Variants in BMP5 observed in about 807,000 individuals in gnomAD.
The protein encoded by BMP5 is bone morphogenetic protein 5.
A neutral mutation model predicts 46.6 loss-of-function variants in BMP5; 23 were observed. The ratio of observed to expected loss-of-function variants is 0.49; its 90% CI spans 0.35 to 0.70. The LOEUF is 0.70. BMP5 is among the 30% of genes least tolerant of loss of function. BMP5 has a pLI of 0.00. For synonymous variants in BMP5, 204 were observed against 191.9 expected (o/e 1.06, Z -0.52); for missense variants, 545 against 565.6 (o/e 0.96, Z 0.37).
chr6:55,871,166 T>C (rs923378778), intron 1 of BMP5, among the ~76,000 whole-genome samples: 2 of 151,834 alleles, frequency 1.3e-5, no homozygotes, highest in African/African-American at 4.8e-5. Flanking sequence ...TAACTTGTAC[T>C]GGTATTTAAT....
At chr6:55,855,112 T>C (rs1465922665) in intron 1 of BMP5, among the ~76,000 whole-genome samples, 3 of 152,208 alleles carry the variant, frequency 2.0e-5, no homozygotes, top group African/African-American at 7.2e-5. Flanking sequence ...TGTTTACCTA[T>C]TTATGTTTCT....
chr6:55,857,850 T>C (rs1307209554), intron 1 of BMP5, among the ~76,000 whole-genome samples: 3 of 152,004 alleles, frequency 2.0e-5, no homozygotes, highest in Non-Finnish European at 4.4e-5. Context: ...GCGATTCTCC[T>C]GCCTCAGCCT....
intron 1 of BMP5, among the ~76,000 whole-genome samples, chr6:55,870,369 G>C (rs182351652): frequency 6.6e-6 from 1 of 152,044 alleles, no homozygotes; most frequent in Admixed American, 6.6e-5. Flanking sequence ...GAGAGAAAAA[G>C]GTCTCCTCAC....
chr6:55,807,890 T>C (rs886747947), intron 2 of BMP5, among the ~76,000 whole-genome samples: 9 of 152,232 alleles, frequency 5.9e-5, no homozygotes, highest in Admixed American at 1.3e-4. Context: ...ACTGACATGA[T>C]GCCAGTAGGA....
chr6:55,758,519 G>T (rs1774672683), intron 6 of BMP5, among the ~76,000 whole-genome samples: 1 of 151,872 alleles, frequency 6.6e-6, no homozygotes, highest in Non-Finnish European at 1.5e-5. Context: ...TACAGGAGGA[G>T]GAGGAGAACA....
chr6:55,757,255 A>G (rs1183284404), intron 6 of BMP5, among the ~76,000 whole-genome samples: 1 of 151,966 alleles, frequency 6.6e-6, no homozygotes, highest in East Asian at 1.9e-4. Context: ...TTTTTGATAC[A>G]TTAGATCCAT....
At chr6:55,759,461 G>A (rs1449302152) in intron 5 of BMP5, among the ~76,000 whole-genome samples, 1 of 151,722 alleles carries the variant, frequency 6.6e-6, no homozygotes, top group African/African-American at 2.4e-5. Context: ...TAAGAAAATA[G>A]CATTCTAAAT....
intron 5 of BMP5, 45 bp from the exon 6 acceptor site, chr6:55,759,160 A>C (rs1774694975): frequency 5.8e-5 from 46 of 786,662 alleles, no homozygotes; most frequent in East Asian, 1.6e-4. Flanking sequence ...AAAAAAAAAA[A>C]AAAAAAAAAA....
chr6:55,805,769 T>C (rs1365448945), intron 2 of BMP5, among the ~76,000 whole-genome samples: 2 of 152,168 alleles, frequency 1.3e-5, no homozygotes, highest in South Asian at 4.1e-4. Context: ...CTGACTGGTG[T>C]GAGAGATGGT....
chr6:55,798,285 G>A (rs1775765499), intron 2 of BMP5, among the ~76,000 whole-genome samples: 1 of 152,148 alleles, frequency 6.6e-6, no homozygotes. Flanking sequence ...AACATCGGGG[G>A]AGAGGGCACA....
intron 1 of BMP5, among the ~76,000 whole-genome samples, chr6:55,847,868 A>G (rs1305732042): frequency 1.3e-5 from 2 of 151,922 alleles, no homozygotes; most frequent in African/African-American, 2.4e-5. Flanking sequence ...ACTACTAGGG[A>G]AAATAGTATC....
rs547624485 is a variant in BMP5, at chr6:55,846,758, A to T, written c.491-26911T>A. ...ATTTGAATATCTTCATTACTGGTAG[A>T]TGCAAACATCTGATATTTGTATTGT... On this transcript the variant is annotated intron_variant, in intron 1 of 6. Transcript: ENST00000370830. 5.3e-5 allele frequency among the ~76,000 whole-genome samples: 8 copies of T among 151,906 alleles called. No individual in the cohort carries two copies. In the East Asian group the frequency reaches 1.5e-3, roughly 29 times the overall value.
intron 1 of BMP5, among the ~76,000 whole-genome samples, chr6:55,824,183 T>C (rs894058316): frequency 2.0e-5 from 3 of 151,936 alleles, no homozygotes; most frequent in African/African-American, 7.2e-5. Context: ...ATTTGGCAAA[T>C]ATTAAGCATT....
intron 3 of BMP5, among the ~76,000 whole-genome samples, chr6:55,779,693 G>A (rs923576717): frequency 7.9e-5 from 12 of 151,918 alleles, no homozygotes; most frequent in Admixed American, 5.9e-4. Context: ...TAAGTATATT[G>A]TAATCTAGCT....
chr6:55,861,914 A>T (rs1777534649), intron 1 of BMP5, among the ~76,000 whole-genome samples: 1 of 152,214 alleles, frequency 6.6e-6, no homozygotes, highest in African/African-American at 2.4e-5. Context: ...AGTTCTTCCT[A>T]TTACAGGAAG....
intron 2 of BMP5, among the ~76,000 whole-genome samples, chr6:55,795,055 G>T (rs1562041501): frequency 6.6e-6 from 1 of 152,026 alleles, no homozygotes. Flanking sequence ...GGACAGTAAT[G>T]GCTGTGAATA....
intron 6 of BMP5, among the ~76,000 whole-genome samples, chr6:55,757,459 T>G (rs1202303447): frequency 2.0e-5 from 3 of 152,014 alleles, no homozygotes; most frequent in Non-Finnish European, 4.4e-5. Context: ...TATGCTTTCA[T>G]GTCAACATGA....
At chr6:55,803,907 T>A (rs1775919004) in intron 2 of BMP5, among the ~76,000 whole-genome samples, 1 of 152,210 alleles carries the variant, frequency 6.6e-6, no homozygotes, top group African/African-American at 2.4e-5. Context: ...ATTCTGTATC[T>A]GTTTTTCTTC....
chr6:55,816,733 C>A (rs1776278713), intron 2 of BMP5, among the ~76,000 whole-genome samples: 1 of 152,034 alleles, frequency 6.6e-6, no homozygotes, highest in African/African-American at 2.4e-5. Flanking sequence ...TTAATAAGTA[C>A]TACACACCCA....
Sources: allele counts gnomAD v4.1 joint callset (sites outside exome capture counted in the v4.1 genomes callset), GRCh38; gene constraint gnomAD v4.1.1; transcripts MANE v1.5; gene names NCBI Gene and HGNC (gene_info 2026-07-23, HGNC 2026-07-21).